The following ABAT variants were observed in gnomAD, a reference collection of about 807,000 sequenced individuals.
ABAT encodes the protein 4-aminobutyrate aminotransferase, mitochondrial.
A neutral mutation model predicts 64.6 loss-of-function variants in ABAT; 45 were observed. The ratio of observed to expected loss-of-function variants is 0.70; its 90% CI spans 0.55 to 0.89. ABAT has a LOEUF of 0.89. ABAT is among the 40% of genes least tolerant of loss of function. The pLI, the probability that ABAT is intolerant of heterozygous loss-of-function variation, is 0.00. For missense variants in ABAT, 633 were observed against 658.4 expected (o/e 0.96, Z 0.42); for synonymous variants, 297 against 250.5 (o/e 1.19, Z -1.75).
chr16:8,767,085 C>G (rs1389662240), intron 9 of ABAT, among the ~76,000 whole-genome samples: 1 of 152,192 alleles, frequency 6.6e-6, no homozygotes, highest in Non-Finnish European at 1.5e-5. Context: ...TGAGACAATG[C>G]CAACCTCCTT....
chr16:8,761,405 C>T (rs1480348559), intron 6 of ABAT, among the ~76,000 whole-genome samples: 3 of 152,240 alleles, frequency 2.0e-5, no homozygotes, highest in African/African-American at 7.2e-5. Flanking sequence ...TCTCCTCCAC[C>T]TCAAATGCTA....
At chr16:8,726,262 C>CTTTTTTTTTTT (rs71152921) in intron 1 of ABAT, among the ~76,000 whole-genome samples, 13 of 120,808 alleles carry the variant, frequency 1.1e-4, no homozygotes, top group South Asian at 2.7e-4. Flanking sequence ...ATGACTAGAT[C>CTTTTTTTTTTT]TTTTTTTTTT....
chr16:8,700,596 C>T (rs1330657490), intron 1 of ABAT, among the ~76,000 whole-genome samples: 7 of 152,094 alleles, frequency 4.6e-5, no homozygotes, highest in Non-Finnish European at 2.9e-5. Flanking sequence ...TGAAATCCCA[C>T]AATTAATCCC....
chr16:8,688,110 C>T (rs1043957410), intron 1 of ABAT, among the ~76,000 whole-genome samples: 2 of 151,910 alleles, frequency 1.3e-5, no homozygotes, highest in African/African-American at 2.4e-5. Flanking sequence ...TGCTATGTTG[C>T]CAAGGCTGGT....
At chr16:8,771,185 C>T (rs1344176884) in intron 11 of ABAT, among the ~76,000 whole-genome samples, 1 of 151,852 alleles carries the variant, frequency 6.6e-6, no homozygotes, top group Non-Finnish European at 1.5e-5. Flanking sequence ...ATCCCAGCTA[C>T]TCCAGAGGCC....
intron 1 of ABAT, among the ~76,000 whole-genome samples, chr16:8,732,823 C>A (rs1192743136): frequency 6.7e-6 from 1 of 148,380 alleles, no homozygotes; most frequent in Non-Finnish European, 1.5e-5. Context: ...CCTCACCTCC[C>A]GGACGGGGCG....
chr16:8,749,221 G>A (rs2059410946), intron 4 of ABAT, among the ~76,000 whole-genome samples: 1 of 150,672 alleles, frequency 6.6e-6, no homozygotes, highest in Non-Finnish European at 1.5e-5. Context: ...TCAAGTCACT[G>A]AGATTACAGG....
rs2060423492 is a variant in ABAT, at chr16:8,781,121, G to C, written c.1382-188G>C. On this transcript the variant is annotated intron_variant, in intron 15 of 15. Coordinates refer to ENST00000268251, the MANE Select transcript of ABAT (RefSeq NM_020686.6). The surrounding 1 kb of genome is among the most constrained non-coding windows in gnomAD (Gnocchi z 4.5). ...ATGATGGAGGAGATGAATGAGGGGAGAGAGAAAGGAAATGAAGACTGGATG... is the reference window on the plus strand; with the variant it reads ...ATGATGGAGGAGATGAATGAGGGGACAGAGAAAGGAAATGAAGACTGGATG... The C allele has an allele frequency of 1.2e-6, 1 of 829,812 alleles. No homozygotes were observed. Among genetic ancestry groups the C allele is most frequent in the African/African-American group, 1.7e-5 (1 of 60,124 alleles). The allele number at this position is 829,812 out of a possible 1,614,324, so 51.4% of individuals were successfully genotyped here.
intron 1 of ABAT, among the ~76,000 whole-genome samples, chr16:8,692,486 TG>T (rs1444711559): frequency 6.6e-6 from 1 of 152,232 alleles, no homozygotes; most frequent in Non-Finnish European, 1.5e-5. Flanking sequence ...GTTTGCCTCT[TG>T]GAAGCTGCAT....
At chr16:8,738,604 G>GT in intron 2 of ABAT, 2 of 258,966 alleles carry the variant, frequency 7.7e-6, no homozygotes, top group South Asian at 3.8e-5. Flanking sequence ...TTTCTTTTTT[G>GT]TTTTTGTTTT....
intron 1 of ABAT, among the ~76,000 whole-genome samples, chr16:8,720,333 G>C (rs1018425742): frequency 6.6e-6 from 1 of 152,200 alleles, no homozygotes; most frequent in African/African-American, 2.4e-5. Context: ...CCACACTTTA[G>C]ACCCAATTTC....
At chr16:8,696,582 T>C (rs1331601511) in intron 1 of ABAT, among the ~76,000 whole-genome samples, 1 of 152,136 alleles carries the variant, frequency 6.6e-6, no homozygotes, top group Admixed American at 6.5e-5. Context: ...GTGGAGCCAC[T>C]GTACTCCAGC....
At chr16:8,752,745 G>A (rs1463364157) in intron 5 of ABAT, among the ~76,000 whole-genome samples, 1 of 152,114 alleles carries the variant, frequency 6.6e-6, no homozygotes, top group Non-Finnish European at 1.5e-5. Context: ...CCAGCCTGAG[G>A]CAACAGTGCA....
intron 1 of ABAT, among the ~76,000 whole-genome samples, chr16:8,696,025 G>A (rs1023132500): frequency 1.3e-5 from 2 of 152,204 alleles, no homozygotes; most frequent in Non-Finnish European, 2.9e-5. Flanking sequence ...AGTGGATCCC[G>A]CTCCAAGGCA....
chr16:8,770,020 C>A (rs149801199), intron 11 of ABAT, among the ~76,000 whole-genome samples: 306 of 152,278 alleles, frequency 2.0e-3, no homozygotes, highest in African/African-American at 7.1e-3. Flanking sequence ...AAGTACAGCA[C>A]TGTCCAATAG....
intron 1 of ABAT, among the ~76,000 whole-genome samples, chr16:8,733,753 T>G (rs1336959233): frequency 6.7e-6 from 1 of 149,540 alleles, no homozygotes; most frequent in African/African-American, 2.6e-5. Context: ...GAGGTTGCAG[T>G]GAGCCGAGAT....
chr16:8,758,520 C>T (rs755720414), intron 6 of ABAT, among the ~76,000 whole-genome samples: 37 of 152,102 alleles, frequency 2.4e-4, no homozygotes, highest in Non-Finnish European at 4.6e-4. Context: ...GGTTTTCAGA[C>T]GCCACCTAGG....
Position 8,757,770 on chromosome 16 carries a change from C to T in ABAT, c.330C>T (p.Pro110=), listed in dbSNP as rs142857998. The T allele has an allele frequency of 5.1e-5, 83 of 1,613,922 alleles. No individual in the cohort carries two copies. The highest frequency in any genetic ancestry group is 4.5e-5 in the Non-Finnish European group (53 of 1,179,970). The change falls in exon 6 of 16, where the codon CCC becomes CCT. Residue 110 remains proline (P), a synonymous_variant. Transcript: ENST00000268251. Reference sequence around the variant, plus strand: ...TCCTGCCCTCAGGTTACAGCCACCCCGCCCTGCTGAAACTCATCCAACAGC... The same window carrying T: ...TCCTGCCCTCAGGTTACAGCCACCCTGCCCTGCTGAAACTCATCCAACAGC... ...ISSVPIGYSH[P]ALLKLIQQPQ...
chr16:8,721,853 A>G (rs886449808), intron 1 of ABAT, among the ~76,000 whole-genome samples: 1 of 152,154 alleles, frequency 6.6e-6, no homozygotes, highest in Non-Finnish European at 1.5e-5. Context: ...TTTGCATTTT[A>G]ATCAAAAGAA....
Sources: gnomAD v4.1 joint callset for allele counts (sites outside exome capture counted in the v4.1 genomes callset) on GRCh38, gnomAD v4.1.1 for gene constraint, Gnocchi (gnomAD v3.1) non-coding constraint, MANE v1.5 for transcripts, NCBI Gene and HGNC (gene_info 2026-07-23, HGNC 2026-07-21) for gene names.